STAT2: variants seen among roughly 807,000 people sequenced by gnomAD.
STAT2 encodes signal transducer and activator of transcription 2.
STAT2 carries 51 observed loss-of-function variants against 122.3 expected under a neutral mutation model. The observed-to-expected ratio is 0.42, with a 90% CI of 0.33 to 0.53. The LOEUF is 0.53. Among genes scored for constraint, STAT2 ranks in the 20% least tolerant of loss-of-function variants. The pLI is 0.10. For synonymous variants in STAT2, 351 were observed against 394.9 expected, an observed-to-expected ratio of 0.89 and a Z score of 1.32; for missense variants, 736 against 1,010.3, an observed-to-expected ratio of 0.73 and a Z score of 3.68.
chr12:56,356,800 G>A (rs530830957), intron 1 of STAT2, among the ~76,000 whole-genome samples: 8 of 152,126 alleles, frequency 5.3e-5, no homozygotes, highest in African/African-American at 1.7e-4. Context: ...ATTCTTCCAG[G>A]GAGTGCTACC....
chr12:56,354,016 A>AATATATATATATATATATATAT (rs1555171512), intron 8 of STAT2, among the ~76,000 whole-genome samples: 6 of 16,686 alleles, frequency 3.6e-4, no homozygotes, highest in Non-Finnish European at 6.5e-4. Context: ...AAAAAAAAAA[A>AATATATATATATATATATATAT]ATATATATAT....
At position 56,356,383 on chromosome 12, in the gene STAT2, G is replaced by A. The variant is rs181962602; in HGVS notation, c.131+58C>T. ...CTGCCATTAATGATTCCAGGATCCC[G>A]GGGGCCCAGAAGTAAGGAACCACCT... On this transcript the variant is annotated intron_variant, in intron 2 of 23. Coordinates refer to ENST00000314128, the MANE Select transcript of STAT2 (RefSeq NM_005419.4). 2.5e-5 allele frequency: 40 copies of A among 1,606,118 alleles called. No individual in the cohort carries two copies. The Middle Eastern group carries it at 8.9e-4, about 36-fold the overall frequency.
chr12:56,355,923 G>A (rs1406879870), intron 3 of STAT2, 120 bp from the exon 4 acceptor site: 1 of 1,271,136 alleles, frequency 7.9e-7, no homozygotes, highest in Non-Finnish European at 1.1e-6. Context: ...TTAGCCCTTT[G>A]TCTTTTCACC....
intron 8 of STAT2, among the ~76,000 whole-genome samples, chr12:56,353,755 A>G (rs183148853): frequency 2.1e-4 from 32 of 151,578 alleles, no homozygotes; most frequent in Non-Finnish European, 3.8e-4. Flanking sequence ...GCACTTTGGG[A>G]GCCCAAGTTG....
intron 12 of STAT2, 79 bp from the exon 13 acceptor site, chr12:56,350,269 C>T (rs962333337): frequency 1.5e-5 from 22 of 1,438,110 alleles, no homozygotes; most frequent in Non-Finnish European, 1.5e-5. Context: ...AACAGAAGTT[C>T]CACTTCATTT....
At position 56,349,597 on chromosome 12, in the gene STAT2, T is replaced by C. The variant is rs1031140287; in HGVS notation, c.1249A>G (p.Ser417Gly). 1 of 1,614,180 alleles carries C rather than the reference T, an allele frequency of 6.2e-7. No individual in the cohort carries two copies. Among genetic ancestry groups the C allele is most frequent in the Admixed American group, 1.7e-5 (1 of 60,018 alleles). The change falls in exon 14 of 24, where the codon AGC becomes GGC. Residue 417 changes from serine (S) to glycine (G), a missense_variant. Physicochemically the swap from Ser to Gly is moderately conservative, Grantham distance 56. Coordinates refer to ENST00000314128, the MANE Select transcript of STAT2 (RefSeq NM_005419.4). ...CTCTGTCCAGATCTCACCTTATTGC[T>C]GCCCTTTCCTGAACCACCTGAACGT... is the stretch of plus-strand genomic sequence containing the variant. ...EQRSGGSGKG[S>G]NKGPLGVTEE...
At chr12:56,344,240 G>A in intron 22 of STAT2, 105 bp from the exon 23 acceptor site, 5 of 1,425,330 alleles carry the variant, frequency 3.5e-6, no homozygotes, top group South Asian at 1.5e-5. Flanking sequence ...AGGGCGGAGG[G>A]CTAAAGAGCA....
intron 1 of STAT2, 81 bp from the exon 2 acceptor site, chr12:56,356,659 C>A: frequency 6.6e-7 from 1 of 1,510,538 alleles, no homozygotes; most frequent in South Asian, 1.3e-5. Context: ...TTCATTATTA[C>A]TAATTTAAAA....
Position 56,349,451 on chromosome 12 carries a change from T to C in STAT2, c.1316A>G (p.Tyr439Cys). The part of the protein sequence containing the change: ...HIISFTVKYT[Y>C]QGLKQELKTD... ...TTTCAGCTCCTGCTTCAGACCCTGG[T>C]AGGTATATTTGACCGTGAAGCTGAT... The change falls in exon 15 of 24, where the codon TAC (tyrosine) becomes TGC (cysteine). Residue 439 changes from tyrosine (Y) to cysteine (C), a missense_variant. Tyr to Cys is a radical substitution (Grantham distance 194). Coordinates refer to ENST00000314128, the MANE Select transcript of STAT2 (RefSeq NM_005419.4). The C allele has an allele frequency of 6.2e-7, 1 of 1,614,196 alleles. No homozygotes were observed. The highest frequency in any genetic ancestry group is 8.5e-7 in the Non-Finnish European group (1 of 1,180,032).
chr12:56,350,898 G>A lies in STAT2; in HGVS notation c.1035-10C>T, dbSNP rs1288878489. On this transcript the variant is annotated splice_polypyrimidine_tract_variant and intron_variant, in intron 10 of 23. Transcript: ENST00000314128. ...GAGTCTCACCAGCAGCCTGGGGGAA[G>A]GAAGGGGGATAGGGGAAAGTGGTCA... The A allele has an allele frequency of 6.2e-7, 1 of 1,614,158 alleles. No homozygotes were observed. The highest frequency in any genetic ancestry group is 8.5e-7 in the Non-Finnish European group (1 of 1,180,038).
intron 7 of STAT2, 44 bp from the exon 8 acceptor site, chr12:56,354,658 C>G (rs1246086883): frequency 1.2e-6 from 2 of 1,612,934 alleles, no homozygotes; most frequent in African/African-American, 2.7e-5. Flanking sequence ...CTCCCTTTCA[C>G]CCTCCACCAC....
In STAT2 at chr12:56,342,809, T is replaced by A. The variant is rs989351282; in HGVS notation, c.*580A>T. On this transcript the variant is annotated 3_prime_UTR_variant, in exon 24 of 24. Transcript: ENST00000314128. ...GTAAGAAAAAGAGGTCTACTTCCTA[T>A]CCATCCCTTTCTTCAGGGTAGAGTT... 2 of 152,172 alleles carry A rather than the reference T, an allele frequency of 1.3e-5. No individual in the cohort carries two copies. Among genetic ancestry groups the A allele is most frequent in the Admixed American group, 6.6e-5 (1 of 15,266 alleles). The allele number at this position is 152,172 out of a possible 1,614,324, so 9.4% of individuals were successfully genotyped here. A position where few individuals can be genotyped will look rare whatever the true frequency, so the allele number is the denominator to read the frequency against.
chr12:56,350,994 G>C, intron 10 of STAT2, 104 bp downstream of exon 10: 1 of 1,570,230 alleles, frequency 6.4e-7, no homozygotes, highest in Non-Finnish European at 8.8e-7. Context: ...GGAGATTGCA[G>C]GGAAAGAGAA....
intron 22 of STAT2, among the ~76,000 whole-genome samples, chr12:56,345,494 T>TAA (rs1877255987): frequency 1.3e-4 from 1 of 7,588 alleles, no homozygotes; most frequent in East Asian, 5.7e-3. Flanking sequence ...AGACCCTGTC[T>TAA]CAAAAAAAAA....
chr12:56,356,184 G>A lies in STAT2; in HGVS notation c.233C>T (p.Pro78Leu), dbSNP rs774830295. 2 of 1,614,040 alleles carry A rather than the reference G, an allele frequency of 1.2e-6. No individual in the cohort carries two copies. Among genetic ancestry groups the A allele is most frequent in the Admixed American group, 1.7e-5 (1 of 60,000 alleles). The change falls in exon 3 of 24, where the codon CCA becomes CTA. Residue 78 changes from proline (P) to leucine (L), a missense_variant. Transcript: ENST00000314128. The stretch of plus-strand genomic sequence containing the variant: ...ATTGTGCTGCAGCAACAAGGACTCT[G>A]GGTCCTGGCTGCAACGGCCACACTC... ...NYECGRCSQD[P>L]ESLLLQHNLR...
rs1878479882 is a variant in STAT2, at chr12:56,351,526, T to C, written c.783-76A>G. On this transcript the variant is annotated intron_variant, in intron 8 of 23. Transcript: ENST00000314128. ...CCATCCAGGTTCCAAGATCTCTCTGTAAATATGTGAAGAGTCAGAAACTGA... is the reference window on the plus strand; with the variant it reads ...CCATCCAGGTTCCAAGATCTCTCTGCAAATATGTGAAGAGTCAGAAACTGA... 1.5e-5 allele frequency: 22 copies of C among 1,507,858 alleles called. 2 individuals are homozygous for C. In the South Asian group the frequency reaches 2.7e-4, roughly 18 times the overall value. 93.4% of individuals were successfully genotyped at this position (1,507,858 alleles called of 1,614,324 possible).
chr12:56,345,040 G>A (rs1452906760), intron 22 of STAT2, among the ~76,000 whole-genome samples: 1 of 143,454 alleles, frequency 7.0e-6, no homozygotes, highest in Non-Finnish European at 1.5e-5. Context: ...AGGCATGGGT[G>A]GCGCTCGCCT....
In STAT2 at chr12:56,350,837, G is replaced by A; in HGVS notation, c.1086C>T (p.Ser362=). The change falls in exon 11 of 24, where the codon TCC becomes TCT. Residue 362 remains serine (S), a synonymous_variant. Coordinates refer to ENST00000314128, the MANE Select transcript of STAT2 (RefSeq NM_005419.4). ...EGNESLTVEV[S]IDRNPPQLQG... ...CACCTGCTCCAATTTACCTGTCAAT[G>A]GAGACTTCCACAGTCAGTGACTCAT... The A allele has an allele frequency of 6.2e-7, 1 of 1,614,000 alleles. No homozygotes were observed. The highest frequency in any genetic ancestry group is 1.3e-5 in the African/African-American group (1 of 75,008).
chr12:56,350,468 A>T (rs1878288145), intron 11 of STAT2, 36 bp from the exon 12 acceptor site: 1 of 1,577,894 alleles, frequency 6.3e-7, no homozygotes, highest in Non-Finnish European at 8.6e-7. Context: ...TCATTGGGCA[A>T]AAGAGTATGG....
Sources: gnomAD v4.1 joint callset for allele counts (sites outside exome capture counted in the v4.1 genomes callset) on GRCh38, gnomAD v4.1.1 for gene constraint, MANE v1.5 for transcripts, NCBI Gene and HGNC (gene_info 2026-07-23, HGNC 2026-07-21) for gene names.